POU2F1: variants seen among roughly 807,000 people sequenced by gnomAD.
POU2F1 encodes the protein POU domain, class 2, transcription factor 1.
A neutral mutation model predicts 84.9 loss-of-function variants in POU2F1; 16 were observed. That is an observed-to-expected ratio of 0.19 (90% confidence interval 0.13 to 0.29). POU2F1 has a LOEUF of 0.29. Among genes scored for constraint, POU2F1 ranks in the 10% least tolerant of loss-of-function variants. POU2F1 has a pLI of 1.00. For missense variants in POU2F1, 738 were observed against 942.6 expected (o/e 0.78, Z 2.84); for synonymous variants, 368 against 368.3 (o/e 1.00, Z 0.01).
intron 1 of POU2F1, among the ~76,000 whole-genome samples, chr1:167,222,457 C>G (rs950209813): frequency 6.6e-6 from 1 of 152,166 alleles, no homozygotes; most frequent in African/African-American, 2.4e-5. Flanking sequence ...TACATTCGCC[C>G]CATGTGCTTT....
intron 1 of POU2F1, among the ~76,000 whole-genome samples, chr1:167,306,249 A>G (rs1655054977): frequency 6.6e-6 from 1 of 152,222 alleles, no homozygotes; most frequent in Non-Finnish European, 1.5e-5. Flanking sequence ...GGATTAAAAC[A>G]TGAAGACAAA....
chr1:167,275,460 C>A (rs777196870), intron 1 of POU2F1, among the ~76,000 whole-genome samples: 1 of 152,034 alleles, frequency 6.6e-6, no homozygotes, highest in African/African-American at 2.4e-5. Context: ...TACAGAAGGC[C>A]GCAATGGCCC....
intron 7 of POU2F1, among the ~76,000 whole-genome samples, chr1:167,378,384 C>T (rs945424053): frequency 3.4e-5 from 5 of 147,852 alleles, no homozygotes; most frequent in South Asian, 2.1e-4. Flanking sequence ...TACAGGCATG[C>T]GCCACCATGC....
At chr1:167,332,947 G>A (rs1206793645) in intron 2 of POU2F1, among the ~76,000 whole-genome samples, 2 of 152,102 alleles carry the variant, frequency 1.3e-5, no homozygotes, top group Non-Finnish European at 2.9e-5. Context: ...GATATATGTG[G>A]CATGTTAAGC....
At chr1:167,386,069 A>G (rs1408667724) in intron 8 of POU2F1, among the ~76,000 whole-genome samples, 1 of 152,248 alleles carries the variant, frequency 6.6e-6, no homozygotes, top group African/African-American at 2.4e-5. Flanking sequence ...AGAATAAGCA[A>G]AATTTAAAAG....
Position 167,293,636 on chromosome 1 carries a change from C to T in POU2F1, c.62-38834C>T, listed in dbSNP as rs543989270. Among the ~76,000 whole-genome samples the T allele has an allele frequency of 2.0e-5, 3 of 152,206 alleles. No individual in the cohort carries two copies. The South Asian group carries it at 6.2e-4, about 32-fold the overall frequency. Reference sequence around the variant, plus strand: ...ATTCATATGGAACCAAAAAAGAGCTCAGGTAGCCAAAGGTAATTGTAAACA... The same window carrying T: ...ATTCATATGGAACCAAAAAAGAGCTTAGGTAGCCAAAGGTAATTGTAAACA... On this transcript the variant is annotated intron_variant, in intron 1 of 15. Transcript: ENST00000367866.
In POU2F1 at chr1:167,418,402, A is replaced by T. The variant is rs1169699625; in HGVS notation, c.*2592A>T. 1 of 152,136 alleles carries T rather than the reference A, an allele frequency of 6.6e-6. No individual in the cohort carries two copies. The highest frequency in any genetic ancestry group is 1.5e-5 in the Non-Finnish European group (1 of 68,020). The allele number at this position is 152,136 out of a possible 1,614,324, so 9.4% of individuals were successfully genotyped here. ...AAATTTAATCTTCTATCCTGACTTG[A>T]CATCTCTACCTTTAGTCTGTGGAAA... On this transcript the variant is annotated 3_prime_UTR_variant, in exon 16 of 16. Transcript: ENST00000367866.
chr1:167,366,711 T>G (rs967851227), intron 3 of POU2F1, among the ~76,000 whole-genome samples: 2 of 152,156 alleles, frequency 1.3e-5, no homozygotes, highest in South Asian at 2.1e-4. Context: ...AATATTAAAA[T>G]GAATTAACAT....
At chr1:167,307,212 T>C (rs748846655) in intron 1 of POU2F1, among the ~76,000 whole-genome samples, 1 of 152,218 alleles carries the variant, frequency 6.6e-6, no homozygotes, top group Non-Finnish European at 1.5e-5. Flanking sequence ...TGTAAAGTTA[T>C]TCAAAACCCA....
intron 1 of POU2F1, among the ~76,000 whole-genome samples, chr1:167,315,836 ACAAG>A (rs1412324635): frequency 2.0e-5 from 3 of 152,026 alleles, no homozygotes; most frequent in Non-Finnish European, 4.4e-5. Context: ...AAATTAAAAA[ACAAG>A]CAAACTGTGG....
chr1:167,326,300 A>G (rs1435372023), intron 1 of POU2F1, among the ~76,000 whole-genome samples: 2 of 152,094 alleles, frequency 1.3e-5, no homozygotes, highest in Admixed American at 6.6e-5. Context: ...CCTTTGTACA[A>G]CGGGTGTTCT....
chr1:167,270,867 C>G (rs1391014201), intron 1 of POU2F1, among the ~76,000 whole-genome samples: 1 of 152,194 alleles, frequency 6.6e-6, no homozygotes, highest in East Asian at 1.9e-4. Context: ...TCTGCCCCTT[C>G]CACATGGTTT....
Position 167,371,987 on chromosome 1 carries a change from C to T in POU2F1, c.353C>T (p.Ala118Val), listed in dbSNP as rs765069833. ...SQPSQQPSVQ[A>V]AIPQTQLMLA... ...CCTTCCCAGCAGCCTTCAGTGCAGG[C>T]AGCCATTCCCCAGACCCAGCTTATG... is the stretch of plus-strand genomic sequence containing the variant. The change falls in exon 5 of 16, where the codon GCA becomes GTA. Residue 118 changes from alanine (A) to valine (V), a missense_variant. Transcript: ENST00000367866. 6.2e-7 allele frequency: 1 copy of T among 1,614,182 alleles called. No homozygotes were observed. Among genetic ancestry groups the T allele is most frequent in the Non-Finnish European group, 8.5e-7 (1 of 1,180,010 alleles).
At chr1:167,264,795 T>TA (rs971539872) in intron 1 of POU2F1, among the ~76,000 whole-genome samples, 5 of 152,178 alleles carry the variant, frequency 3.3e-5, no homozygotes, top group Admixed American at 6.5e-5. Context: ...TCTAGACAGT[T>TA]ACCAGTTTTT....
intron 1 of POU2F1, among the ~76,000 whole-genome samples, chr1:167,299,642 A>G (rs1340768358): frequency 6.6e-6 from 1 of 151,376 alleles, no homozygotes; most frequent in Non-Finnish European, 1.5e-5. Context: ...TTATCTCTGC[A>G]TATCTTTTAG....
chr1:167,243,346 T>C (rs1650053040), intron 1 of POU2F1, among the ~76,000 whole-genome samples: 1 of 152,264 alleles, frequency 6.6e-6, no homozygotes, highest in Admixed American at 6.5e-5. Flanking sequence ...TGAGATAATG[T>C]ATATAATTGC....
At chr1:167,253,097 G>T (rs2102408947) in intron 1 of POU2F1, among the ~76,000 whole-genome samples, 1 of 152,332 alleles carries the variant, frequency 6.6e-6, no homozygotes, top group South Asian at 2.1e-4. Flanking sequence ...AGCATGCTAT[G>T]ATGAATTTAC....
chr1:167,295,483 A>T (rs1209577339), intron 1 of POU2F1, among the ~76,000 whole-genome samples: 5 of 152,226 alleles, frequency 3.3e-5, no homozygotes, highest in African/African-American at 1.2e-4. Flanking sequence ...AGCTATGAAT[A>T]TGCAAGTGCA....
chr1:167,328,406 C>T (rs1305620475), intron 1 of POU2F1, among the ~76,000 whole-genome samples: 3 of 152,148 alleles, frequency 2.0e-5, no homozygotes, highest in African/African-American at 7.2e-5. Flanking sequence ...TTGGAAAATT[C>T]CCTATCAGTA....
Sources: allele counts gnomAD v4.1 joint callset (sites outside exome capture counted in the v4.1 genomes callset), GRCh38; gene constraint gnomAD v4.1.1; transcripts MANE v1.5; gene names NCBI Gene and HGNC (gene_info 2026-07-23, HGNC 2026-07-21).